SUZ12: variants seen among roughly 807,000 people sequenced by gnomAD.
SUZ12 encodes SUZ12 polycomb repressive complex 2 subunit.
Under a neutral mutation model 87.3 loss-of-function variants are expected in SUZ12, and 17 were observed. The ratio of observed to expected loss-of-function variants is 0.19; its 90% confidence interval spans 0.13 to 0.29. The LOEUF is 0.29. SUZ12 is among the 10% of genes least tolerant of loss of function. SUZ12 has a pLI of 1.00. For synonymous variants in SUZ12, 253 were observed against 312.4 expected (o/e 0.81, Z 2.01); for missense variants, 526 against 912.2 (o/e 0.58, Z 5.45).
At chr17:31,956,084 T>A (rs1008538615) in intron 4 of SUZ12, among the ~76,000 whole-genome samples, 2 of 151,672 alleles carry the variant, frequency 1.3e-5, no homozygotes, top group Admixed American at 1.3e-4. Flanking sequence ...GGCTAATTTT[T>A]TGTATTTTTT....
intron 3 of SUZ12, among the ~76,000 whole-genome samples, chr17:31,943,327 T>C (rs1254076989): frequency 1.3e-5 from 2 of 152,230 alleles, no homozygotes; most frequent in Non-Finnish European, 2.9e-5. Flanking sequence ...GGATATTATG[T>C]AGGTACTTAA....
At chr17:31,975,827 A>C in intron 7 of SUZ12, 114 bp downstream of exon 7, 1 of 798,020 alleles carries the variant, frequency 1.3e-6, no homozygotes, top group Non-Finnish European at 1.9e-6. Flanking sequence ...GCAAACAGTG[A>C]ATTCACCTCC....
intron 9 of SUZ12, among the ~76,000 whole-genome samples, chr17:31,986,637 T>C (rs1184589912): frequency 6.6e-6 from 1 of 152,160 alleles, no homozygotes; most frequent in Non-Finnish European, 1.5e-5. Context: ...CTGCAACCTC[T>C]GCCTTTCGAG....
chr17:31,956,342 T>C (rs746169025), intron 4 of SUZ12, among the ~76,000 whole-genome samples: 14 of 151,756 alleles, frequency 9.2e-5, no homozygotes, highest in Non-Finnish European at 1.5e-4. Flanking sequence ...TACAGGCGTG[T>C]GCCACCATGC....
chr17:31,962,245 G>C (rs1161190719), intron 4 of SUZ12, among the ~76,000 whole-genome samples: 1 of 152,034 alleles, frequency 6.6e-6, no homozygotes, highest in African/African-American at 2.4e-5. Flanking sequence ...TTACCAGCCT[G>C]GGCAACATAG....
In SUZ12 at chr17:31,988,700, C is replaced by T. The variant is rs189596062; in HGVS notation, c.1201+203C>T. Among the ~76,000 whole-genome samples the T allele has an allele frequency of 9.3e-5, 14 of 151,074 alleles. No homozygotes were observed. The East Asian group carries it at 2.8e-3, about 30-fold the overall frequency. On this transcript the variant is annotated intron_variant, in intron 10 of 15. Coordinates refer to ENST00000322652, the MANE Select transcript of SUZ12 (RefSeq NM_015355.4). ...CTCTGCCTTGTGGGTTCAGATGATTCTCCTGACTCAGCCTCCCGAGTAGCT... is the reference window on the plus strand; with the variant it reads ...CTCTGCCTTGTGGGTTCAGATGATTTTCCTGACTCAGCCTCCCGAGTAGCT...
At position 31,937,075 on chromosome 17, in the gene SUZ12, T is replaced by C. The variant is rs1421262283; in HGVS notation, c.-172T>C. ...GGGCTCTGAGGAGACACTTTTTTTT[T>C]CCTCCCTCCTTCCCTCCTCTCCTCC... On this transcript the variant is annotated 5_prime_UTR_variant, in exon 1 of 16. Coordinates refer to ENST00000322652, the MANE Select transcript of SUZ12 (RefSeq NM_015355.4). 2.2e-5 allele frequency: 12 copies of C among 534,036 alleles called. No homozygotes were observed. Among genetic ancestry groups the C allele is most frequent in the South Asian group, 4.8e-5 (1 of 20,908 alleles). 33.1% of individuals were successfully genotyped at this position (534,036 alleles called of 1,614,324 possible).
intron 4 of SUZ12, among the ~76,000 whole-genome samples, chr17:31,965,375 T>TA (rs1421820947): frequency 6.6e-6 from 1 of 152,214 alleles, no homozygotes; most frequent in African/African-American, 2.4e-5. Flanking sequence ...AGTTTAAAGG[T>TA]ACTTCAAAAG....
At chr17:31,949,806 C>T (rs1426812043) in intron 4 of SUZ12, among the ~76,000 whole-genome samples, 2 of 149,388 alleles carry the variant, frequency 1.3e-5, no homozygotes, top group African/African-American at 2.5e-5. Flanking sequence ...GTCTCAGCCT[C>T]CTGAATAGCT....
intron 5 of SUZ12, among the ~76,000 whole-genome samples, chr17:31,969,603 A>G (rs766113685): frequency 5.9e-4 from 90 of 152,276 alleles, no homozygotes; most frequent in East Asian, 2.7e-3. Context: ...GTTGAAAATA[A>G]CTATTCTATT....
At chr17:31,974,683 C>A (rs1455735736) in intron 6 of SUZ12, among the ~76,000 whole-genome samples, 1 of 152,144 alleles carries the variant, frequency 6.6e-6, no homozygotes, top group African/African-American at 2.4e-5. Context: ...TAGTATTAGT[C>A]ATCTCCGGAG....
At chr17:31,989,412 G>T (rs1432998739) in intron 10 of SUZ12, among the ~76,000 whole-genome samples, 4 of 152,078 alleles carry the variant, frequency 2.6e-5, no homozygotes, top group Non-Finnish European at 5.9e-5. Context: ...GCGTGATATG[G>T]TACATAGTAT....
intron 5 of SUZ12, among the ~76,000 whole-genome samples, chr17:31,970,187 G>A (rs1908334249): frequency 1.3e-5 from 2 of 152,164 alleles, no homozygotes; most frequent in Admixed American, 6.5e-5. Flanking sequence ...GATGAGTATT[G>A]TTCGGCAAAT....
At chr17:31,996,096 G>A (rs1382998614) in intron 14 of SUZ12, among the ~76,000 whole-genome samples, 1 of 152,142 alleles carries the variant, frequency 6.6e-6, no homozygotes, top group Non-Finnish European at 1.5e-5. Context: ...TGTAGTCCCA[G>A]CTATTCAGTT....
In SUZ12 at chr17:31,998,902, G is replaced by C; in HGVS notation, c.2119G>C (p.Gly707Arg). 6.2e-7 allele frequency: 1 copy of C among 1,613,450 alleles called. No individual in the cohort carries two copies. The highest frequency in any genetic ancestry group is 8.5e-7 in the Non-Finnish European group (1 of 1,179,866). The change falls in exon 16 of 16, where the codon GGG (glycine) becomes CGG (arginine). Residue 707 changes from glycine (G) to arginine (R), a missense_variant. Transcript: ENST00000322652. ...ANEEITEEQNGTANGFSEINS... is the reference protein window; with the variant it reads ...ANEEITEEQNRTANGFSEINS... ...CGAAGAAATAACTGAAGAACAAAATGGGACAGCAAATGGATTTAGTGAAAT... is the reference window on the plus strand; with the variant it reads ...CGAAGAAATAACTGAAGAACAAAATCGGACAGCAAATGGATTTAGTGAAAT...
intron 3 of SUZ12, among the ~76,000 whole-genome samples, chr17:31,944,556 A>T (rs575092759): frequency 6.6e-6 from 1 of 151,924 alleles, no homozygotes. Context: ...GTAAGAACTG[A>T]TTTTCTTAAT....
At chr17:31,997,279 C>T (rs1229821346) in intron 15 of SUZ12, among the ~76,000 whole-genome samples, 1 of 152,110 alleles carries the variant, frequency 6.6e-6, no homozygotes, top group Non-Finnish European at 1.5e-5. Context: ...ATAGAACCTC[C>T]TCAGAAATCA....
Position 31,937,136 on chromosome 17 carries a change from T to C in SUZ12, c.-111T>C, listed in dbSNP as rs1433716355. 5.3e-6 allele frequency: 5 copies of C among 945,700 alleles called. No individual in the cohort carries two copies. The Admixed American group carries it at 1.7e-4, about 32-fold the overall frequency. The allele number at this position is 945,700 out of a possible 1,614,324, so 58.6% of individuals were successfully genotyped here. ...TCCCCTCTCCTCCCCTCTCTCCTCCTTCCCCCCTCGGTCCGCCGGAGCCTG... is the reference window on the plus strand; with the variant it reads ...TCCCCTCTCCTCCCCTCTCTCCTCCCTCCCCCCTCGGTCCGCCGGAGCCTG... On this transcript the variant is annotated 5_prime_UTR_variant, in exon 1 of 16. Transcript: ENST00000322652.
chr17:31,952,138 G>A (rs1598153197), intron 4 of SUZ12, among the ~76,000 whole-genome samples: 1 of 152,252 alleles, frequency 6.6e-6, no homozygotes, highest in East Asian at 1.9e-4. Context: ...GCTGCTCACT[G>A]CAGCCTCTAA....
Sources: allele counts gnomAD v4.1 joint callset (sites outside exome capture counted in the v4.1 genomes callset), GRCh38; gene constraint gnomAD v4.1.1; transcripts MANE v1.5; gene names NCBI Gene and HGNC (gene_info 2026-07-23, HGNC 2026-07-21).